MBNL1: variants seen among roughly 807,000 people sequenced by gnomAD.
The protein encoded by MBNL1 is muscleblind like splicing regulator 1.
MBNL1 carries 8 observed loss-of-function variants against 42.2 expected under a neutral mutation model. The observed-to-expected ratio is 0.19, with a 90% confidence interval of 0.11 to 0.34. The LOEUF is 0.34. Among genes scored for constraint, MBNL1 ranks in the 10% least tolerant of loss-of-function variants. MBNL1 has a pLI of 1.00. For synonymous variants in MBNL1, 169 were observed against 173.9 expected (o/e 0.97, Z 0.22); for missense variants, 309 against 495.3 (o/e 0.62, Z 3.57).
At chr3:152,340,627 C>CTAAGCG in intron 2 of MBNL1, 1 of 1,613,992 alleles carries the variant, frequency 6.2e-7, no homozygotes, top group Non-Finnish European at 8.5e-7. Flanking sequence ...GCACCTGCAA[C>CTAAGCG]TAAACCCACA....
intron 2 of MBNL1, among the ~76,000 whole-genome samples, chr3:152,354,999 C>A (rs894313606): frequency 2.0e-5 from 3 of 152,144 alleles, no homozygotes; most frequent in Admixed American, 2.0e-4. Context: ...AATCTCCTTA[C>A]CAAACTTGGG....
At chr3:152,450,558 C>G (rs569827371) in intron 6 of MBNL1, among the ~76,000 whole-genome samples, 1 of 152,284 alleles carries the variant, frequency 6.6e-6, no homozygotes, top group South Asian at 2.1e-4. Context: ...AGCACAGGCT[C>G]AGTCTAAAGA....
intron 2 of MBNL1, among the ~76,000 whole-genome samples, chr3:152,402,944 GC>G (rs138010002): frequency 0.018 from 2,784 of 152,266 alleles, 44 homozygotes; most frequent in Admixed American, 0.035. Context: ...TGTAAACAGT[GC>G]CCAGTATTAG....
intron 1 of MBNL1, chr3:152,269,758 C>G (rs988389062): frequency 4.5e-6 from 1 of 221,362 alleles, no homozygotes; most frequent in Non-Finnish European, 9.3e-6. Flanking sequence ...TGTAGTGCGT[C>G]ACTCAAAAAC....
In MBNL1 at chr3:152,319,192, G is replaced by GT. The variant is rs1377967631; in HGVS notation, c.174+18831dup. On this transcript the variant is annotated intron_variant, in intron 2 of 9. Coordinates refer to ENST00000324210, the MANE Select transcript of MBNL1 (RefSeq NM_021038.5). ...TTTGGGGGGCCTAAGTTTAAAATGTGTTTTTTCTTTGCATTTTAAAAGATT... is the reference window on the plus strand; with the variant it reads ...TTTGGGGGGCCTAAGTTTAAAATGTGTTTTTTTCTTTGCATTTTAAAAGATT... 3.3e-5 allele frequency among the ~76,000 whole-genome samples: 5 copies of GT among 152,222 alleles called. No individual in the cohort carries two copies. The East Asian group carries it at 9.6e-4, about 29-fold the overall frequency.
At chr3:152,376,812 A>C (rs2153354582) in intron 2 of MBNL1, among the ~76,000 whole-genome samples, 1 of 152,298 alleles carries the variant, frequency 6.6e-6, no homozygotes, top group East Asian at 1.9e-4. Flanking sequence ...GCGCACACAC[A>C]CACATACACA....
intron 2 of MBNL1, among the ~76,000 whole-genome samples, chr3:152,337,319 C>T (rs2090927996): frequency 6.6e-6 from 1 of 152,076 alleles, no homozygotes; most frequent in Non-Finnish European, 1.5e-5. Flanking sequence ...TCTGACAGTG[C>T]ATCAAAACTA....
chr3:152,371,762 C>G (rs2096671842), intron 2 of MBNL1, among the ~76,000 whole-genome samples: 2 of 152,164 alleles, frequency 1.3e-5, no homozygotes, highest in Non-Finnish European at 2.9e-5. Context: ...CTTGGTGAAT[C>G]TGATGATTAC....
intron 2 of MBNL1, among the ~76,000 whole-genome samples, chr3:152,260,873 C>A (rs1309207290): frequency 6.6e-6 from 1 of 152,186 alleles, no homozygotes; most frequent in Non-Finnish European, 1.5e-5. Flanking sequence ...CCTTGCACCA[C>A]CAGTTTAGCT....
chr3:152,439,896 G>A (rs559032189), intron 4 of MBNL1, among the ~76,000 whole-genome samples: 2 of 152,204 alleles, frequency 1.3e-5, no homozygotes, highest in South Asian at 2.1e-4. Context: ...TAAGGTAATG[G>A]CTAATTTGGT....
At chr3:152,294,238 G>T (rs1416191768) in intron 1 of MBNL1, among the ~76,000 whole-genome samples, 1 of 151,182 alleles carries the variant, frequency 6.6e-6, no homozygotes, top group Non-Finnish European at 1.5e-5. Flanking sequence ...GGTTAAAGAG[G>T]GACTGCTGTT....
intron 1 of MBNL1, among the ~76,000 whole-genome samples, chr3:152,285,883 CAA>C (rs2051385256): frequency 6.6e-6 from 1 of 151,754 alleles, no homozygotes; most frequent in Non-Finnish European, 1.5e-5. Flanking sequence ...CTTGGTCTCT[CAA>C]AGTGCTGCGA....
chr3:152,274,619 G>C lies in MBNL1; in HGVS notation c.-790+5527G>C, dbSNP rs892281620. Among the ~76,000 whole-genome samples the C allele has an allele frequency of 4.2e-4, 64 of 152,094 alleles. 2 individuals are homozygous for C. On this transcript the variant is annotated intron_variant, in intron 1 of 9. Coordinates refer to ENST00000324210, the MANE Select transcript of MBNL1 (RefSeq NM_021038.5). The stretch of plus-strand genomic sequence containing the variant: ...TTCAGCCTTAGCAAAATATTATTCT[G>C]TTAACGCAGTATTCTATTCAGCAAT...
intron 2 of MBNL1, among the ~76,000 whole-genome samples, chr3:152,378,658 C>G (rs932414529): frequency 1.3e-5 from 2 of 152,102 alleles, no homozygotes; most frequent in African/African-American, 2.4e-5. Context: ...AAATCATACC[C>G]AAGATACTAT....
intron 4 of MBNL1, among the ~76,000 whole-genome samples, chr3:152,439,486 A>G (rs1332347323): frequency 2.0e-5 from 3 of 152,112 alleles, no homozygotes; most frequent in Non-Finnish European, 2.9e-5. Flanking sequence ...TGCTTGTGTG[A>G]CTTTTTTTAC....
intron 4 of MBNL1, among the ~76,000 whole-genome samples, chr3:152,443,293 T>C (rs953480520): frequency 1.3e-5 from 2 of 150,906 alleles, no homozygotes; most frequent in Non-Finnish European, 2.9e-5. Context: ...AAAAGTAGAG[T>C]ATTAGTTCCC....
In MBNL1 at chr3:152,433,522, G is replaced by A. The variant is rs1277039088; in HGVS notation, c.549+602G>A. ...TCCCAGCACTTTGGGAGGCCGAGGC[G>A]GGCGGATCACGAGGACAGGAGATCG... On this transcript the variant is annotated intron_variant, in intron 4 of 9. Transcript: ENST00000324210. 4.6e-5 allele frequency among the ~76,000 whole-genome samples: 7 copies of A among 152,088 alleles called. No individual in the cohort carries two copies. The East Asian group carries it at 9.7e-4, about 21-fold the overall frequency.
At chr3:152,447,250 C>G (rs1475554097) in intron 5 of MBNL1, among the ~76,000 whole-genome samples, 1 of 152,132 alleles carries the variant, frequency 6.6e-6, no homozygotes, top group Non-Finnish European at 1.5e-5. Context: ...TAACTATTAA[C>G]ATTGCTTATA....
intron 2 of MBNL1, among the ~76,000 whole-genome samples, chr3:152,402,945 C>T (rs1395300624): frequency 6.8e-6 from 1 of 146,576 alleles, no homozygotes; most frequent in African/African-American, 2.4e-5. Context: ...GTAAACAGTG[C>T]CCAGTATTAG....
Sources: gnomAD v4.1 joint callset for allele counts (sites outside exome capture counted in the v4.1 genomes callset) on GRCh38, gnomAD v4.1.1 for gene constraint, MANE v1.5 for transcripts, NCBI Gene and HGNC (gene_info 2026-07-23, HGNC 2026-07-21) for gene names.